The following PHGR1 variants were observed in gnomAD, a reference collection of about 807,000 sequenced individuals.
The protein encoded by PHGR1 is proline, histidine and glycine rich 1.
In PHGR1, 3 loss-of-function variants were observed where a neutral mutation model predicts 4.9. That is an observed-to-expected ratio of 0.61 (90% CI 0.28 to 1.58). The LOEUF (loss-of-function observed/expected upper bound fraction) is 1.58, where lower values mean the gene tolerates loss of function less well. Among genes scored for constraint, PHGR1 ranks in the 40% most tolerant of loss-of-function variants. The pLI is 0.11. For synonymous variants in PHGR1, 32 were observed against 46.1 expected, an observed-to-expected ratio of 0.69 and a Z score of 1.24; for missense variants, 81 against 118.7, an observed-to-expected ratio of 0.68 and a Z score of 1.48.
chr15:40,354,043 G>A (rs528776738), intron 2 of PHGR1, among the ~76,000 whole-genome samples: 1 of 152,320 alleles, frequency 6.6e-6, no homozygotes, highest in South Asian at 2.1e-4. Context: ...AGCACCTCCA[G>A]GCTGACAGAG....
At position 40,356,150 on chromosome 15, in the gene PHGR1, C is replaced by A. The variant is rs1408019758; in HGVS notation, c.96C>A (p.Cys32Ter). 1.9e-6 allele frequency: 3 copies of A among 1,541,262 alleles called. No homozygotes were observed. The highest frequency in any genetic ancestry group is 2.8e-5 in the African/African-American group (2 of 72,024). Residue 32 changes from cysteine to a stop codon, truncating the protein, a stop_gained, in exon 4 of 4, where the codon TGC (cysteine) becomes TGA (stop). Coordinates refer to ENST00000448599, the MANE Select transcript of PHGR1 (RefSeq NM_001145643.2). LOFTEE classifies it low-confidence loss of function (END_TRUNC). ...CCCCTGGCCATGGCCCAGGGCCCTG[C>A]GGGCCACCCCCCCACCATGGTCCAG... is the stretch of plus-strand genomic sequence containing the variant. ...GPPPGHGPGP[C>*]GPPPHHGPGP... is the part of the protein sequence containing the mutation.
chr15:40,353,332 A>T lies in PHGR1; in HGVS notation c.10+65A>T. On this transcript the variant is annotated intron_variant, in intron 2 of 3. Transcript: ENST00000448599. Reference sequence around the variant, plus strand: ...GAGAGAGCAGGAGAGCGGTAAAGGCAGGGACTATCAGTCAGCCATAACTAG... The same window carrying T: ...GAGAGAGCAGGAGAGCGGTAAAGGCTGGGACTATCAGTCAGCCATAACTAG... The T allele has an allele frequency of 2.6e-6, 4 of 1,547,140 alleles. No individual in the cohort carries two copies. The South Asian group carries it at 4.8e-5, about 18-fold the overall frequency.
At chr15:40,351,573 C>T (rs1015800084) in intron 1 of PHGR1, among the ~76,000 whole-genome samples, 1 of 152,132 alleles carries the variant, frequency 6.6e-6, no homozygotes, top group East Asian at 1.9e-4. Flanking sequence ...CACAGGCTGA[C>T]CTCAGCTGAA....
At chr15:40,352,543 G>A (rs1393036894) in intron 1 of PHGR1, among the ~76,000 whole-genome samples, 1 of 152,182 alleles carries the variant, frequency 6.6e-6, no homozygotes, top group East Asian at 1.9e-4. Context: ...GTTGGTGAAT[G>A]ACAAGTTGGC....
chr15:40,353,210 A>C, intron 1 of PHGR1, 22 bp from the exon 2 acceptor site: 1 of 1,550,068 alleles, frequency 6.5e-7, no homozygotes, highest in Non-Finnish European at 8.7e-7. Flanking sequence ...ACAGTAAATT[A>C]AAAGTTACCT....
rs538613200 is a variant in PHGR1 at position 40,356,042 on chromosome 15, A to T, written c.19-31A>T. 1.0e-4 allele frequency: 155 copies of T among 1,544,534 alleles called. No individual in the cohort carries two copies. The African/African-American group carries it at 1.8e-3, about 18-fold the overall frequency. On this transcript the variant is annotated intron_variant, in intron 3 of 3. Transcript: ENST00000448599. ...CAGGTAAGCTTAGCCCTGACCTCTGACTCTGACATTGTTCATTTGACTTTC... is the reference window on the plus strand; with the variant it reads ...CAGGTAAGCTTAGCCCTGACCTCTGTCTCTGACATTGTTCATTTGACTTTC...
intron 2 of PHGR1, among the ~76,000 whole-genome samples, chr15:40,354,085 G>A (rs1236185781): frequency 1.3e-5 from 2 of 152,126 alleles, no homozygotes; most frequent in Non-Finnish European, 2.9e-5. Flanking sequence ...CCTAACTGGC[G>A]CCACTCCACC....
At chr15:40,354,374 T>C (rs1889256107) in intron 3 of PHGR1, 22 bp downstream of exon 3, 2 of 1,533,388 alleles carry the variant, frequency 1.3e-6, no homozygotes, top group African/African-American at 1.4e-5. Flanking sequence ...CCCCCAATGG[T>C]CTCCCCTTTT....
intron 3 of PHGR1, among the ~76,000 whole-genome samples, chr15:40,355,173 C>CAA (rs111832905): frequency 0.19 from 28,201 of 146,090 alleles, 3,004 homozygotes; most frequent in African/African-American, 0.31. Flanking sequence ...GTTAAAAAAA[C>CAA]AAAAAAAAAA....
At chr15:40,356,014 T>A in intron 3 of PHGR1, 59 bp from the exon 4 acceptor site, 3 of 1,501,752 alleles carry the variant, frequency 2.0e-6, no homozygotes, top group East Asian at 4.9e-5. Context: ...GGAGAGCTGA[T>A]CTCAGGTAAG....
intron 3 of PHGR1, 130 bp from the exon 4 acceptor site, chr15:40,355,943 C>G: frequency 1.1e-6 from 1 of 943,214 alleles, no homozygotes. Context: ...ATGCCCCCAG[C>G]CCTCCACCGC....
At chr15:40,355,165 T>TA (rs1348065514) in intron 3 of PHGR1, among the ~76,000 whole-genome samples, 4 of 137,806 alleles carry the variant, frequency 2.9e-5, no homozygotes, top group Non-Finnish European at 6.2e-5. Flanking sequence ...GGCAAAAAGT[T>TA]AAAAAAACAA....
chr15:40,355,826 G>A (rs377123404), intron 3 of PHGR1, among the ~76,000 whole-genome samples: 4 of 152,352 alleles, frequency 2.6e-5, no homozygotes, highest in South Asian at 4.1e-4. Context: ...GGGAGCGGGA[G>A]TCATATCTTG....
intron 1 of PHGR1, among the ~76,000 whole-genome samples, chr15:40,352,987 C>A (rs1316534026): frequency 3.3e-5 from 5 of 152,074 alleles, no homozygotes; most frequent in Non-Finnish European, 7.3e-5. Flanking sequence ...TCTCCATCTA[C>A]CCACCATGTA....
chr15:40,353,209 T>A, intron 1 of PHGR1, 23 bp from the exon 2 acceptor site: 1 of 1,548,274 alleles, frequency 6.5e-7, no homozygotes, highest in Non-Finnish European at 8.7e-7. Context: ...TACAGTAAAT[T>A]AAAAGTTACC....
rs57886573 is a variant in PHGR1 at position 40,353,110 on chromosome 15, G to GGTGTGTGTGTGTGT, written c.-26-98_-26-85dup. On this transcript the variant is annotated intron_variant, in intron 1 of 3. Coordinates refer to ENST00000448599, the MANE Select transcript of PHGR1 (RefSeq NM_001145643.2). ...GTTTTTTCCCTTTCTTCCTTTGAAGGGTGTGTGTGTGTGTGTGTGTGTGTG... is the reference window on the plus strand; with the variant it reads ...GTTTTTTCCCTTTCTTCCTTTGAAGGGTGTGTGTGTGTGTGTGTGTGTGTGTGTGTGTGTGTGTG... The GGTGTGTGTGTGTGT allele has an allele frequency of 1.8e-4, 102 of 565,384 alleles. No individual in the cohort carries two copies. In the Middle Eastern group the frequency reaches 3.4e-3, roughly 19 times the overall value. 35.0% of individuals were successfully genotyped at this position (565,384 alleles called of 1,614,324 possible).
intron 2 of PHGR1, chr15:40,353,917 T>G: frequency 4.7e-6 from 1 of 213,806 alleles, no homozygotes; most frequent in Non-Finnish European, 9.4e-6. Context: ...TGAGCAGAGA[T>G]TGGGCCGAGA....
rs1375313359 is a variant in PHGR1, at chr15:40,356,056, C to T, written c.19-17C>T. 1 of 1,548,528 alleles carries T rather than the reference C, an allele frequency of 6.5e-7. No individual in the cohort carries two copies. The highest frequency in any genetic ancestry group is 8.7e-7 in the Non-Finnish European group (1 of 1,145,512). The stretch of plus-strand genomic sequence containing the variant: ...CCTGACCTCTGACTCTGACATTGTT[C>T]ATTTGACTTTCCACAGGGGCACTGC... On this transcript the variant is annotated splice_polypyrimidine_tract_variant and intron_variant, in intron 3 of 3. Transcript: ENST00000448599.
intron 3 of PHGR1, among the ~76,000 whole-genome samples, chr15:40,354,647 C>G (rs1889261817): frequency 1.3e-5 from 2 of 152,210 alleles, no homozygotes; most frequent in Admixed American, 1.3e-4. Context: ...CCTGCTGCTT[C>G]CCCGCCTGTG....
Sources: allele counts gnomAD v4.1 joint callset (sites outside exome capture counted in the v4.1 genomes callset), GRCh38; gene constraint gnomAD v4.1.1; transcripts MANE v1.5; gene names NCBI Gene and HGNC (gene_info 2026-07-23, HGNC 2026-07-21).